NSMAF: variants seen among roughly 807,000 people sequenced by gnomAD.
NSMAF encodes protein FAN.
Under a neutral mutation model 134.9 loss-of-function variants are expected in NSMAF, and 90 were observed. The ratio of observed to expected loss-of-function variants is 0.67; its 90% CI spans 0.56 to 0.79. NSMAF has a LOEUF of 0.79. Ranked by LOEUF, NSMAF falls within the 30% of genes least tolerant of loss-of-function variation. The pLI is 0.00. For missense variants in NSMAF, 1,010 were observed against 1,119.0 expected (o/e 0.90, Z 1.39); for synonymous variants, 358 against 389.6 (o/e 0.92, Z 0.96).
chr8:58,658,774 C>T (rs1032726041), intron 1 of NSMAF, among the ~76,000 whole-genome samples: 2 of 152,198 alleles, frequency 1.3e-5, no homozygotes, highest in African/African-American at 4.8e-5. Flanking sequence ...TATGAGACTT[C>T]CCTTGGGGAC....
chr8:58,597,526 T>G lies in NSMAF; in HGVS notation c.1653A>C (p.Val551=). ...LNSIQDPDEK[V]AMLTQILEFG... ...ATTCCAAGATTTGCGTAAGCATGGC[T>G]ACCTTCTCATCAGGATCCTGGATGC... Residue 551 remains valine (V), a synonymous_variant, in exon 21 of 31, where the codon GTA becomes GTC. Coordinates refer to ENST00000038176, the MANE Select transcript of NSMAF (RefSeq NM_003580.4). 6.2e-7 allele frequency: 1 copy of G among 1,614,208 alleles called. No homozygotes were observed. The highest frequency in any genetic ancestry group is 8.5e-7 in the Non-Finnish European group (1 of 1,180,018).
intron 6 of NSMAF, among the ~76,000 whole-genome samples, chr8:58,630,939 T>C (rs925239148): frequency 1.2e-4 from 19 of 152,162 alleles, no homozygotes; most frequent in African/African-American, 4.1e-4. Context: ...AACTCTCTTT[T>C]AGTAGGAGTT....
In NSMAF at chr8:58,599,739, G is replaced by A; in HGVS notation, c.1453+11C>T. ...ATGTCTATAATACAACACCTCCAAGGGGGGACTCACTGGAAGCCCAAGGGG... is the reference window on the plus strand; with the variant it reads ...ATGTCTATAATACAACACCTCCAAGAGGGGACTCACTGGAAGCCCAAGGGG... On this transcript the variant is annotated intron_variant, in intron 18 of 30. Transcript: ENST00000038176. The A allele has an allele frequency of 6.2e-7, 1 of 1,612,926 alleles. No individual in the cohort carries two copies. The highest frequency in any genetic ancestry group is 1.3e-5 in the African/African-American group (1 of 74,956).
At chr8:58,659,336 T>C in intron 1 of NSMAF, 1 of 1,527,576 alleles carries the variant, frequency 6.5e-7, no homozygotes, top group Middle Eastern at 1.7e-4. Flanking sequence ...GAATCTGGCC[T>C]GGCCCGTCAT....
chr8:58,601,369 G>A (rs776139294), intron 15 of NSMAF, 21 bp from the exon 16 acceptor site: 21 of 1,612,564 alleles, frequency 1.3e-5, no homozygotes, highest in Admixed American at 1.7e-5. Flanking sequence ...AAAAGTCAGA[G>A]GTAAGTCAGG....
intron 9 of NSMAF, among the ~76,000 whole-genome samples, chr8:58,615,189 AC>A (rs1295845865): frequency 1.3e-5 from 2 of 152,242 alleles, no homozygotes; most frequent in Non-Finnish European, 2.9e-5. Flanking sequence ...GAGCTTCACA[AC>A]ACAAAATGCA....
intron 21 of NSMAF, among the ~76,000 whole-genome samples, chr8:58,596,304 T>C (rs1239778511): frequency 1.3e-5 from 2 of 152,200 alleles, no homozygotes; most frequent in East Asian, 1.9e-4. Flanking sequence ...CTTGAGAGAA[T>C]GCTCATCTAT....
chr8:58,587,108 C>T (rs766604141), intron 27 of NSMAF, among the ~76,000 whole-genome samples: 19 of 152,254 alleles, frequency 1.2e-4, no homozygotes, highest in Non-Finnish European at 2.5e-4. Context: ...AAAGGCAGTA[C>T]TGTCAACTAC....
At position 58,599,853 on chromosome 8, in the gene NSMAF, A is replaced by G. The variant is rs780313943; in HGVS notation, c.1350T>C (p.Tyr450=). Residue 450 remains tyrosine (Y), a synonymous_variant, in exon 18 of 31, where the codon TAT becomes TAC. Transcript: ENST00000038176. ...TDFKELIPEF[Y]GDDVSFLVNS... ...TGACTAGAAAGCTCACATCATCACCATAGAATTCTGGAATTAACTGAAAGT... is the reference window on the plus strand; with the variant it reads ...TGACTAGAAAGCTCACATCATCACCGTAGAATTCTGGAATTAACTGAAAGT... The G allele has an allele frequency of 1.2e-6, 2 of 1,613,988 alleles. No individual in the cohort carries two copies. The highest frequency in any genetic ancestry group is 3.3e-5 in the Admixed American group (2 of 59,992).
At chr8:58,651,752 T>C (rs1466712628) in intron 1 of NSMAF, among the ~76,000 whole-genome samples, 2 of 152,246 alleles carry the variant, frequency 1.3e-5, no homozygotes, top group East Asian at 1.9e-4. Flanking sequence ...ATTACTGTTA[T>C]CTAGCGCAGC....
At chr8:58,585,564 C>T in intron 30 of NSMAF, 88 bp downstream of exon 30, 1 of 994,978 alleles carries the variant, frequency 1.0e-6, no homozygotes, top group Non-Finnish European at 1.6e-6. Flanking sequence ...GTTTTTTGCC[C>T]AAAAAGAGTA....
At chr8:58,617,502 A>T (rs1156765965) in intron 9 of NSMAF, among the ~76,000 whole-genome samples, 1 of 152,244 alleles carries the variant, frequency 6.6e-6, no homozygotes, top group Non-Finnish European at 1.5e-5. Context: ...TGAGCAAAGG[A>T]TATGAACAGA....
At chr8:58,603,130 G>C in intron 13 of NSMAF, 80 bp downstream of exon 13, 7 of 1,338,844 alleles carry the variant, frequency 5.2e-6, no homozygotes, top group Non-Finnish European at 7.4e-6. Flanking sequence ...TTATAAAATA[G>C]AATTTATTCT....
At chr8:58,637,677 A>C (rs562164685) in intron 2 of NSMAF, among the ~76,000 whole-genome samples, 3 of 152,350 alleles carry the variant, frequency 2.0e-5, no homozygotes, top group East Asian at 3.9e-4. Context: ...TATACAAAAA[A>C]CAGCGTTGCA....
chr8:58,589,587 T>C lies in NSMAF; in HGVS notation c.2088-12A>G. 1.9e-6 allele frequency: 3 copies of C among 1,563,492 alleles called. No individual in the cohort carries two copies. Among genetic ancestry groups the C allele is most frequent in the Non-Finnish European group, 2.6e-6 (3 of 1,165,334 alleles). ...TGGAATAAAAATAGCTAAAAGATAA[T>C]GAGAAGCATTAAAACAGTAGTCTGG... On this transcript the variant is annotated splice_polypyrimidine_tract_variant and intron_variant, in intron 25 of 30. Transcript: ENST00000038176.
Position 58,599,971 on chromosome 8 carries a change from T to G in NSMAF, c.1331A>C (p.Glu444Ala). The change falls in exon 17 of 31, where the codon GAG becomes GCG. Residue 444 changes from glutamate to alanine, a missense_variant and splice_region_variant. Physicochemically the swap from Glu to Ala is moderately radical, Grantham distance 107 (BLOSUM62 -1). Coordinates refer to ENST00000038176, the MANE Select transcript of NSMAF (RefSeq NM_003580.4). ...TCATCAGCTTTATTAACTGCTTACC[T>G]CTTTAAAATCCGTTGCACCATCCAG... ...NCLDGATDFK[E>A]LIPEFYGDDV... 6.2e-7 allele frequency: 1 copy of G among 1,613,990 alleles called. No homozygotes were observed. Among genetic ancestry groups the G allele is most frequent in the Non-Finnish European group, 8.5e-7 (1 of 1,179,896 alleles).
intron 9 of NSMAF, among the ~76,000 whole-genome samples, chr8:58,620,251 A>G (rs1279509237): frequency 3.9e-5 from 6 of 152,244 alleles, no homozygotes; most frequent in Non-Finnish European, 7.3e-5. Context: ...GCACAGCTGA[A>G]ATAAGAAGAA....
rs781457308 is a variant in NSMAF, at chr8:58,584,073, G to T, written c.*33C>A. On this transcript the variant is annotated 3_prime_UTR_variant, in exon 31 of 31. Coordinates refer to ENST00000038176, the MANE Select transcript of NSMAF (RefSeq NM_003580.4). ...TTGGTTTAAAAATGCATTAAATAGA[G>T]TTCAATTTAATATTCAGGAGAGGAA... 12 of 1,464,894 alleles carry T rather than the reference G, an allele frequency of 8.2e-6. No individual in the cohort carries two copies. Among genetic ancestry groups the T allele is most frequent in the South Asian group, 1.1e-5 (1 of 87,986 alleles). The allele number at this position is 1,464,894 out of a possible 1,614,324, so 90.7% of individuals were successfully genotyped here.
chr8:58,587,824 T>G (rs1434312727), intron 26 of NSMAF, 123 bp from the exon 27 acceptor site: 5 of 770,750 alleles, frequency 6.5e-6, no homozygotes, highest in Non-Finnish European at 1.1e-5. Flanking sequence ...AAAGTTAAGC[T>G]GCACAGTGCT....
Sources: gnomAD v4.1 joint callset for allele counts (sites outside exome capture counted in the v4.1 genomes callset) on GRCh38, gnomAD v4.1.1 for gene constraint, MANE v1.5 for transcripts, NCBI Gene and HGNC (gene_info 2026-07-23, HGNC 2026-07-21) for gene names.